TRAFD1: variants seen among roughly 807,000 people sequenced by gnomAD.
The protein encoded by TRAFD1 is TRAF-type zinc finger domain containing 1, also known as TRAF-type zinc finger domain-containing protein 1.
Under a neutral mutation model 65.3 loss-of-function variants are expected in TRAFD1, and 38 were observed. The observed-to-expected ratio is 0.58, with a 90% CI of 0.45 to 0.76. The LOEUF (loss-of-function observed/expected upper bound fraction) is 0.76, where lower values mean the gene tolerates loss of function less well. Ranked by LOEUF, TRAFD1 falls within the 30% of genes least tolerant of loss-of-function variation. The pLI is 0.00. For missense variants in TRAFD1, 631 were observed against 712.6 expected (o/e 0.89, Z 1.30); for synonymous variants, 223 against 257.2 (o/e 0.87, Z 1.27).
chr12:112,149,936 T>G, intron 9 of TRAFD1, 65 bp downstream of exon 9: 2 of 1,598,470 alleles, frequency 1.3e-6, no homozygotes, highest in Non-Finnish European at 1.7e-6. Context: ...TGTTTACCAC[T>G]TCCCATCCAC....
chr12:112,141,257 G>C (rs1315217012), intron 5 of TRAFD1, 33 bp downstream of exon 5: 22 of 1,599,950 alleles, frequency 1.4e-5, no homozygotes, highest in Non-Finnish European at 1.8e-5. Flanking sequence ...GAACTAGAAT[G>C]GTATCAAAAT....
chr12:112,151,438 G>C (rs1017119476), intron 9 of TRAFD1, among the ~76,000 whole-genome samples: 1 of 151,154 alleles, frequency 6.6e-6, no homozygotes, highest in Non-Finnish European at 1.5e-5. Context: ...TCTTGTCCAG[G>C]CTGGAGTGCA....
Position 112,142,283 on chromosome 12 carries a change from A to G in TRAFD1, c.838A>G (p.Ser280Gly), listed in dbSNP as rs773048523. ...GTCTCATGGCGGTCCCAGGTCTCTCAGTGACATAAAGGGTAGGCTTGCTTA... is the reference window on the plus strand; with the variant it reads ...GTCTCATGGCGGTCCCAGGTCTCTCGGTGACATAAAGGGTAGGCTTGCTTA... ...DQSHGGPRSL[S>G]DIKGAADEIM... Residue 280 changes from serine (S) to glycine (G), a missense_variant, in exon 6 of 12, where the codon AGT becomes GGT. Ser to Gly is a moderately conservative substitution (Grantham distance 56). Transcript: ENST00000412615. The G allele has an allele frequency of 6.2e-6, 10 of 1,613,358 alleles. No homozygotes were observed. In the Admixed American group the frequency reaches 1.5e-4, roughly 24 times the overall value.
Position 112,149,834 on chromosome 12 carries a change from C to G in TRAFD1, c.1242C>G (p.Thr414=). The G allele has an allele frequency of 1.2e-6, 2 of 1,614,200 alleles. No individual in the cohort carries two copies. Among genetic ancestry groups the G allele is most frequent in the Non-Finnish European group, 1.7e-6 (2 of 1,180,020 alleles). Residue 414 remains threonine (T), a synonymous_variant, in exon 9 of 12, where the codon ACC becomes ACG. Transcript: ENST00000412615. ...IPRLDSQPQE[T]SPELPRRRVR... Reference sequence around the variant, plus strand: ...GACTGGATTCCCAGCCTCAAGAGACCTCACCAGAGCTGCCCAGGAGGCGTG... The same window carrying G: ...GACTGGATTCCCAGCCTCAAGAGACGTCACCAGAGCTGCCCAGGAGGCGTG...
intron 9 of TRAFD1, 105 bp downstream of exon 9, chr12:112,149,976 A>C: frequency 1.1e-4 from 162 of 1,484,590 alleles, no homozygotes; most frequent in Non-Finnish European, 1.4e-4. Context: ...CCTGCATCTC[A>C]AATTTCCAAA....
chr12:112,133,747 G>A (rs1337998316), intron 2 of TRAFD1, among the ~76,000 whole-genome samples: 3 of 147,026 alleles, frequency 2.0e-5, no homozygotes, highest in African/African-American at 7.6e-5. Context: ...TGCTATCCCC[G>A]AGGCTGGAGT....
Position 112,148,206 on chromosome 12 carries a change from A to C in TRAFD1, c.1060A>C (p.Met354Leu). 6.2e-7 allele frequency: 1 copy of C among 1,614,152 alleles called. No homozygotes were observed. The highest frequency in any genetic ancestry group is 8.5e-7 in the Non-Finnish European group (1 of 1,180,024). ...TGCAAGTAACCAGTTAGACTCTTTGATGGGCCTGAGCAATTCACACCCTGT... is the reference window on the plus strand; with the variant it reads ...TGCAAGTAACCAGTTAGACTCTTTGCTGGGCCTGAGCAATTCACACCCTGT... The part of the protein sequence containing the change: ...QAASNQLDSL[M>L]GLSNSHPVEE... The change falls in exon 8 of 12, where the codon ATG becomes CTG. Residue 354 changes from methionine (M) to leucine (L), a missense_variant. Coordinates refer to ENST00000412615, the MANE Select transcript of TRAFD1 (RefSeq NM_006700.3).
intron 7 of TRAFD1, among the ~76,000 whole-genome samples, chr12:112,147,733 G>A (rs1282666813): frequency 6.7e-6 from 1 of 149,990 alleles, no homozygotes; most frequent in Non-Finnish European, 1.5e-5. Flanking sequence ...GTGCAGTGGT[G>A]CGATCTCGGC....
In TRAFD1 at chr12:112,141,167, A is replaced by G; in HGVS notation, c.586A>G (p.Asn196Asp). ...AGCCTTTGAATCAGATGTTTTCCAC[A>G]ATAGAACTACCAACCAAAGGAACAT... ...LRAFESDVFH[N>D]RTTNQRNITA... The change falls in exon 5 of 12, where the codon AAT (asparagine) becomes GAT (aspartate). Residue 196 changes from asparagine to aspartate, a missense_variant. Transcript: ENST00000412615. 2 of 1,614,210 alleles carry G rather than the reference A, an allele frequency of 1.2e-6. No individual in the cohort carries two copies. Among genetic ancestry groups the G allele is most frequent in the Non-Finnish European group, 1.7e-6 (2 of 1,180,036 alleles).
At chr12:112,127,504 G>A (rs562457755) in intron 1 of TRAFD1, among the ~76,000 whole-genome samples, 23 of 152,076 alleles carry the variant, frequency 1.5e-4, no homozygotes, top group Non-Finnish European at 2.9e-4. Flanking sequence ...CTGTCACCCC[G>A]GCTGGAGTGC....
Position 112,148,241 on chromosome 12 carries a change from C to G in TRAFD1, c.1095C>G (p.Ser365Arg). The G allele has an allele frequency of 1.2e-6, 2 of 1,614,170 alleles. No individual in the cohort carries two copies. Among genetic ancestry groups the G allele is most frequent in the Non-Finnish European group, 1.7e-6 (2 of 1,180,036 alleles). Residue 365 changes from serine to arginine, a missense_variant, in exon 8 of 12, where the codon AGC (serine) becomes AGG (arginine). Ser to Arg is a moderately radical substitution (Grantham distance 110). Coordinates refer to ENST00000412615, the MANE Select transcript of TRAFD1 (RefSeq NM_006700.3). ...GCAATTCACACCCTGTGGAGGAGAG[C>G]ATCATTATCCCATGTGAATTCTGTG... ...GLSNSHPVEE[S>R]IIIPCEFCGV...
chr12:112,145,809 C>A, intron 7 of TRAFD1, 147 bp downstream of exon 7: 2 of 693,084 alleles, frequency 2.9e-6, no homozygotes, highest in Non-Finnish European at 4.8e-6. Context: ...ATGTGAGTGG[C>A]ATACAGATAT....
At chr12:112,135,857 G>C (rs1328447954) in intron 4 of TRAFD1, among the ~76,000 whole-genome samples, 4 of 148,982 alleles carry the variant, frequency 2.7e-5, no homozygotes, top group African/African-American at 9.9e-5. Flanking sequence ...ATACAGACAG[G>C]GTCGGCTGGG....
At chr12:112,151,529 G>A (rs1240755798) in intron 9 of TRAFD1, among the ~76,000 whole-genome samples, 1 of 151,750 alleles carries the variant, frequency 6.6e-6, no homozygotes, top group African/African-American at 2.4e-5. Context: ...GAGTAGCTGA[G>A]ACTATAGCTG....
intron 5 of TRAFD1, among the ~76,000 whole-genome samples, chr12:112,141,656 A>G (rs1363026996): frequency 6.6e-6 from 1 of 152,220 alleles, no homozygotes; most frequent in Non-Finnish European, 1.5e-5. Context: ...CTCAACCTGT[A>G]TCTTATTTCC....
chr12:112,149,443 G>C (rs1049551358), intron 8 of TRAFD1: 3 of 239,300 alleles, frequency 1.3e-5, no homozygotes, highest in African/African-American at 6.8e-5. Flanking sequence ...TCTTTTCCCC[G>C]TTCTCACTAT....
chr12:112,126,570 T>TA (rs2079539079), intron 1 of TRAFD1, among the ~76,000 whole-genome samples: 1 of 152,142 alleles, frequency 6.6e-6, no homozygotes, highest in African/African-American at 2.4e-5. Flanking sequence ...GCTCTGGCCT[T>TA]AGAGTTGGCC....
At position 112,148,171 on chromosome 12, in the gene TRAFD1, T is replaced by C. The variant is rs113790376; in HGVS notation, c.1025T>C (p.Leu342Ser). ...EEPDVIFQNF[L>S]QQAASNQLDS... is the part of the protein sequence containing the mutation. ...CCTGATGTCATCTTCCAGAACTTCT[T>C]GCAACAGGCTGCAAGTAACCAGTTA... The change falls in exon 8 of 12, where the codon TTG (leucine) becomes TCG (serine). Residue 342 changes from leucine to serine, a missense_variant. Transcript: ENST00000412615. 5 of 1,614,224 alleles carry C rather than the reference T, an allele frequency of 3.1e-6. No individual in the cohort carries two copies. Among genetic ancestry groups the C allele is most frequent in the Admixed American group, 1.7e-5 (1 of 60,028 alleles).
intron 1 of TRAFD1, among the ~76,000 whole-genome samples, chr12:112,127,463 G>T (rs1413703565): frequency 6.6e-6 from 1 of 152,058 alleles, no homozygotes; most frequent in Non-Finnish European, 1.5e-5. Flanking sequence ...ACACAGTATG[G>T]TCTTCTTTTT....
Sources: gnomAD v4.1 joint callset for allele counts (sites outside exome capture counted in the v4.1 genomes callset) on GRCh38, gnomAD v4.1.1 for gene constraint, MANE v1.5 for transcripts, NCBI Gene and HGNC (gene_info 2026-07-23, HGNC 2026-07-21) for gene names.